Variants in CUX2 observed in about 807,000 individuals in gnomAD.
The protein encoded by CUX2 is cut like homeobox 2.
In CUX2, 40 loss-of-function variants were observed where a neutral mutation model predicts 144.8. The observed-to-expected ratio is 0.28, with a 90% CI of 0.21 to 0.36. The LOEUF (loss-of-function observed/expected upper bound fraction) is 0.36. Ranked by LOEUF, CUX2 falls within the 10% of genes least tolerant of loss-of-function variation. The pLI, the probability that CUX2 is intolerant of heterozygous loss-of-function variation, is 1.00. For synonymous variants in CUX2, 827 were observed against 875.6 expected (o/e 0.94, Z 0.98); for missense variants, 1,615 against 1,994.0 (o/e 0.81, Z 3.62).
intron 18 of CUX2, among the ~76,000 whole-genome samples, chr12:111,330,081 G>A (rs1565925590): frequency 6.6e-6 from 1 of 152,172 alleles, no homozygotes; most frequent in Non-Finnish European, 1.5e-5. Flanking sequence ...CCTGGAACAT[G>A]CCCACGTCAG....
chr12:111,183,474 G>A (rs1416102124), intron 1 of CUX2, among the ~76,000 whole-genome samples: 3 of 152,250 alleles, frequency 2.0e-5, no homozygotes, highest in Admixed American at 6.5e-5. Flanking sequence ...AAGCAACACC[G>A]GGGTCTCAGA....
chr12:111,112,902 G>A (rs1477990388), intron 1 of CUX2, among the ~76,000 whole-genome samples: 8 of 152,174 alleles, frequency 5.3e-5, no homozygotes, highest in East Asian at 3.8e-4. Context: ...TGCTCACCCC[G>A]GCTGGGTTCA....
intron 1 of CUX2, among the ~76,000 whole-genome samples, chr12:111,138,940 A>G (rs1179306811): frequency 6.6e-6 from 1 of 150,592 alleles, no homozygotes; most frequent in East Asian, 2.0e-4. Context: ...TCCTGCCCCC[A>G]CCTGCTTCCC....
At chr12:111,278,068 A>G (rs1884963942) in intron 4 of CUX2, among the ~76,000 whole-genome samples, 1 of 152,098 alleles carries the variant, frequency 6.6e-6, no homozygotes, top group South Asian at 2.1e-4. Flanking sequence ...TCTTCAGTCA[A>G]TCTCTGACTG....
At chr12:111,202,969 C>G (rs769354859) in intron 1 of CUX2, among the ~76,000 whole-genome samples, 1 of 152,060 alleles carries the variant, frequency 6.6e-6, no homozygotes, top group Non-Finnish European at 1.5e-5. Context: ...CCATGGTTCA[C>G]GACTATAATC....
Position 111,263,639 on chromosome 12 carries a change from A to ACAAAT in CUX2, c.223-118_223-117insTCAAA. The ACAAAT allele has an allele frequency of 1.2e-6, 1 of 837,008 alleles. No individual in the cohort carries two copies. Among genetic ancestry groups the ACAAAT allele is most frequent in the South Asian group, 1.5e-5 (1 of 65,804 alleles). The allele number at this position is 837,008 out of a possible 1,614,324, so 51.8% of individuals were successfully genotyped here. A position where few individuals can be genotyped will look rare whatever the true frequency, so the allele number is the denominator to read the frequency against. On this transcript the variant is annotated intron_variant, in intron 3 of 21. Transcript: ENST00000261726. This position sits in a 1 kb window ranked among gnomAD's most constrained non-coding sequence, Gnocchi z 4.0. ...GACTCTCTCTCAAAAACAAAACAAA[A>ACAAAT]CAAAACAAAACAAAACAAAAAACCT...
chr12:111,341,696 A>G lies in CUX2; in HGVS notation c.3386-84A>G, dbSNP rs1466742747. On this transcript the variant is annotated intron_variant, in intron 20 of 21. Coordinates refer to ENST00000261726, the MANE Select transcript of CUX2 (RefSeq NM_015267.4). ...GCCTCCGAGTGGGCCTGACAGATGCACTCCCACCATGGAACTCCTGCTGGC... is the reference window on the plus strand; with the variant it reads ...GCCTCCGAGTGGGCCTGACAGATGCGCTCCCACCATGGAACTCCTGCTGGC... The G allele has an allele frequency of 4.8e-6, 7 of 1,465,264 alleles. No homozygotes were observed. The East Asian group carries it at 1.1e-4, about 24-fold the overall frequency. 90.8% of individuals were successfully genotyped at this position (1,465,264 alleles called of 1,614,324 possible). A position where few individuals can be genotyped will look rare whatever the true frequency, so the allele number is the denominator to read the frequency against.
At chr12:111,058,876 A>G (rs981721683) in intron 1 of CUX2, among the ~76,000 whole-genome samples, 1 of 152,324 alleles carries the variant, frequency 6.6e-6, no homozygotes, top group Non-Finnish European at 1.5e-5. Flanking sequence ...CCCTAGGTAC[A>G]ATACTCATAT....
chr12:111,173,320 A>G (rs911682561), intron 1 of CUX2, among the ~76,000 whole-genome samples: 2 of 152,250 alleles, frequency 1.3e-5, no homozygotes, highest in Admixed American at 1.3e-4. Flanking sequence ...GGACGGGGAC[A>G]GGGTTGATCT....
At chr12:111,303,816 A>C (rs1886439586) in intron 9 of CUX2, among the ~76,000 whole-genome samples, 1 of 152,114 alleles carries the variant, frequency 6.6e-6, no homozygotes, top group Non-Finnish European at 1.5e-5. Context: ...GCCAGGCCTG[A>C]AGTTAATGTG....
rs1163480503 is a variant in CUX2 at position 111,293,295 on chromosome 12, C to A, written c.437-151C>A. 6.8e-6 allele frequency: 8 copies of A among 1,174,104 alleles called. No homozygotes were observed. In the Admixed American group the frequency reaches 1.3e-4, roughly 19 times the overall value. The allele number at this position is 1,174,104 out of a possible 1,614,324, so 72.7% of individuals were successfully genotyped here. A position where few individuals can be genotyped will look rare whatever the true frequency, so the allele number is the denominator to read the frequency against. The stretch of plus-strand genomic sequence containing the variant: ...AAATGACCTGTGTGCTGAGGACATG[C>A]GGCCCGCAGGGCCCCACAGCTGCGC... On this transcript the variant is annotated intron_variant, in intron 5 of 21. Transcript: ENST00000261726. This position sits in a 1 kb window ranked among gnomAD's most constrained non-coding sequence, Gnocchi z 4.5.
chr12:111,222,532 G>A (rs1441915285), intron 3 of CUX2, among the ~76,000 whole-genome samples: 1 of 152,204 alleles, frequency 6.6e-6, no homozygotes, highest in Admixed American at 6.5e-5. Context: ...TTGAAACACA[G>A]TAGTTTGGAG....
intron 16 of CUX2, among the ~76,000 whole-genome samples, chr12:111,316,337 G>A (rs1887191770): frequency 1.3e-5 from 2 of 150,254 alleles, no homozygotes; most frequent in Admixed American, 1.3e-4. Context: ...GTAGAGACGG[G>A]GTTTCTCCGT....
At chr12:111,187,303 C>A (rs1185954160) in intron 1 of CUX2, among the ~76,000 whole-genome samples, 1 of 152,178 alleles carries the variant, frequency 6.6e-6, no homozygotes, top group Non-Finnish European at 1.5e-5. Context: ...AGCATTGGGG[C>A]CTTTGCACCT....
intron 4 of CUX2, among the ~76,000 whole-genome samples, chr12:111,264,883 A>C (rs1281500458): frequency 7.7e-6 from 1 of 129,876 alleles, no homozygotes; most frequent in East Asian, 2.4e-4. Context: ...CAGAACAGGC[A>C]AGCCGTAGAT....
intron 1 of CUX2, among the ~76,000 whole-genome samples, chr12:111,129,256 A>G (rs533028010): frequency 1.0e-4 from 16 of 152,396 alleles, no homozygotes; most frequent in African/African-American, 3.4e-4. Flanking sequence ...GCATAGTATC[A>G]TAAGTGTCAT....
chr12:111,248,616 G>A (rs1004674513), intron 3 of CUX2, among the ~76,000 whole-genome samples: 14 of 152,062 alleles, frequency 9.2e-5, no homozygotes, highest in Non-Finnish European at 2.1e-4. Context: ...ATTTCAAGGA[G>A]GGGGGTGAAG....
chr12:111,153,468 C>T (rs1415654416), intron 1 of CUX2, among the ~76,000 whole-genome samples: 1 of 152,184 alleles, frequency 6.6e-6, no homozygotes, highest in Non-Finnish European at 1.5e-5. Flanking sequence ...GCTCCTAGAC[C>T]ACAAACCTGA....
At chr12:111,250,756 G>A (rs1347249267) in intron 3 of CUX2, among the ~76,000 whole-genome samples, 6 of 152,280 alleles carry the variant, frequency 3.9e-5, no homozygotes, top group Admixed American at 3.9e-4. Flanking sequence ...TTGTTCCTGC[G>A]TGCATGACCT....
Sources: allele counts gnomAD v4.1 joint callset (sites outside exome capture counted in the v4.1 genomes callset), GRCh38; gene constraint gnomAD v4.1.1; non-coding constraint Gnocchi (gnomAD v3.1); transcripts MANE v1.5; gene names NCBI Gene and HGNC (gene_info 2026-07-23, HGNC 2026-07-21).